The following RNF157 variants were observed in gnomAD, a reference collection of about 807,000 sequenced individuals.
The protein encoded by RNF157 is ring finger protein 157.
In RNF157, 55 loss-of-function variants were observed where a neutral mutation model predicts 88.3. The observed-to-expected ratio is 0.62, with a 90% confidence interval of 0.50 to 0.78. The LOEUF is 0.78. RNF157 is among the 30% of genes least tolerant of loss of function. The pLI, the probability that RNF157 is intolerant of heterozygous loss-of-function variation, is 0.00. For synonymous variants in RNF157, 334 were observed against 341.2 expected (o/e 0.98, Z 0.23); for missense variants, 788 against 860.8 (o/e 0.92, Z 1.06).
chr17:76,180,331 A>AT (rs2069170194), intron 2 of RNF157, among the ~76,000 whole-genome samples: 1 of 152,194 alleles, frequency 6.6e-6, no homozygotes, highest in African/African-American at 2.4e-5. Flanking sequence ...GGGACCAAAC[A>AT]TTAAGTGTGA....
chr17:76,200,244 C>CA (rs1185364000), intron 2 of RNF157, among the ~76,000 whole-genome samples: 1,711 of 123,450 alleles, frequency 0.014, 15 homozygotes, highest in Middle Eastern at 0.025. Flanking sequence ...TCCGTCTTGT[C>CA]AAAAAAAAAA....
chr17:76,229,374 G>A (rs1264237835), intron 1 of RNF157, among the ~76,000 whole-genome samples: 1 of 152,174 alleles, frequency 6.6e-6, no homozygotes, highest in Non-Finnish European at 1.5e-5. Context: ...TAAACTTTTT[G>A]AGCTTTGGTT....
chr17:76,218,595 C>T (rs777604814), intron 1 of RNF157, among the ~76,000 whole-genome samples: 19 of 151,950 alleles, frequency 1.3e-4, no homozygotes, highest in Non-Finnish European at 2.2e-4. Flanking sequence ...TATGATCACA[C>T]CCCTGGACTC....
At chr17:76,156,425 G>A (rs1249614141) in intron 13 of RNF157, 104 bp from the exon 14 acceptor site, 5 of 1,543,674 alleles carry the variant, frequency 3.2e-6, no homozygotes, top group South Asian at 1.2e-5. Context: ...AGGAGGAAAG[G>A]CGACACTGGG....
rs2068776652 is a variant in RNF157 at position 76,157,017 on chromosome 17, AG to A, written c.1414-697del. On this transcript the variant is annotated intron_variant, in intron 13 of 18. Transcript: ENST00000269391. This position sits in a 1 kb window ranked among gnomAD's most constrained non-coding sequence, Gnocchi z 5.6. ...CGCTCTGTTGCCCAGCCCAGGCTGG[AG>A]TGCAGTGGTGCGGTCTTGGCTCACT... Among the ~76,000 whole-genome samples the A allele has an allele frequency of 6.7e-6, 1 of 148,500 alleles. No homozygotes were observed.
intron 1 of RNF157, among the ~76,000 whole-genome samples, chr17:76,229,619 T>A (rs1426754173): frequency 6.6e-6 from 1 of 152,176 alleles, no homozygotes; most frequent in East Asian, 1.9e-4. Context: ...TCAAACTCAA[T>A]AACCTTTTCT....
In RNF157 at chr17:76,148,377, C is replaced by A. The variant is rs372287219; in HGVS notation, c.1922-3024G>T. Among the ~76,000 whole-genome samples the A allele has an allele frequency of 3.3e-4, 49 of 150,338 alleles. No homozygotes were observed. The South Asian group carries it at 9.7e-3, about 30-fold the overall frequency. On this transcript the variant is annotated intron_variant, in intron 18 of 18. Transcript: ENST00000269391. ...CGCCTCCCGGGTTCACGCCATTCTA[C>A]TGTCGCAGCCTCCTGAGTAGCTGGG...
rs1163285157 is a variant in RNF157, at chr17:76,155,749, G to C, written c.1526-15C>G. On this transcript the variant is annotated splice_polypyrimidine_tract_variant and intron_variant, in intron 14 of 18. Coordinates refer to ENST00000269391, the MANE Select transcript of RNF157 (RefSeq NM_052916.3). ...GCTGGCAGGGCCTTTGGAGACAGGGGATGGGGAAAGGAGCCTGGAGGTCAG... is the reference window on the plus strand; with the variant it reads ...GCTGGCAGGGCCTTTGGAGACAGGGCATGGGGAAAGGAGCCTGGAGGTCAG... The C allele has an allele frequency of 6.5e-6, 10 of 1,529,506 alleles. No homozygotes were observed. The highest frequency in any genetic ancestry group is 7.9e-6 in the Non-Finnish European group (9 of 1,137,528). The allele number at this position is 1,529,506 out of a possible 1,614,324, so 94.7% of individuals were successfully genotyped here. A position where few individuals can be genotyped will look rare whatever the true frequency, so the allele number is the denominator to read the frequency against.
chr17:76,211,479 T>C (rs895985529), intron 2 of RNF157, among the ~76,000 whole-genome samples: 1 of 152,224 alleles, frequency 6.6e-6, no homozygotes, highest in African/African-American at 2.4e-5. Context: ...TCCACCAAAC[T>C]TGCAGAATAT....
chr17:76,176,116 A>T lies in RNF157; in HGVS notation c.208-2326T>A, dbSNP rs113780419. On this transcript the variant is annotated intron_variant, in intron 2 of 18. Transcript: ENST00000269391. This position sits in a 1 kb window ranked among gnomAD's most constrained non-coding sequence, Gnocchi z 4.2. The stretch of plus-strand genomic sequence containing the variant: ...TTGCATTCATGCAATCAGAGTCTAC[A>T]TGCAACACTCCATGCCAGGAGTAAG... Among the ~76,000 whole-genome samples, 114 of 152,360 alleles carry T rather than the reference A, an allele frequency of 7.5e-4. No homozygotes were observed. The highest frequency in any genetic ancestry group is 3.4e-3 in the Middle Eastern group (1 of 294).
At chr17:76,231,181 CAG>C (rs975824508) in intron 1 of RNF157, among the ~76,000 whole-genome samples, 28 of 152,118 alleles carry the variant, frequency 1.8e-4, no homozygotes, top group African/African-American at 6.5e-4. Flanking sequence ...GTATTTTTAG[CAG>C]AGACAGGGTT....
chr17:76,233,124 GTT>G (rs2070223018), intron 1 of RNF157, among the ~76,000 whole-genome samples: 1 of 152,128 alleles, frequency 6.6e-6, no homozygotes, highest in African/African-American at 2.4e-5. Context: ...GTTTCACCAT[GTT>G]AGCCAGGATG....
At chr17:76,156,984 T>TG (rs2068775799) in intron 13 of RNF157, among the ~76,000 whole-genome samples, 1 of 151,582 alleles carries the variant, frequency 6.6e-6, no homozygotes, top group Non-Finnish European at 1.5e-5. Context: ...TTTTTTGAGA[T>TG]GGAGTCTCGC....
chr17:76,172,938 C>A (rs1344253616), intron 3 of RNF157, among the ~76,000 whole-genome samples: 1 of 152,008 alleles, frequency 6.6e-6, no homozygotes, highest in African/African-American at 2.4e-5. Context: ...ATTAAGCAAC[C>A]AACCCAGTGC....
rs1375480975 is a variant in RNF157, at chr17:76,152,369, TCAGAGCACAGCTTATTGTC to T, written c.1888_1906del (p.Asp630ArgfsTer83). On this transcript the variant is annotated frameshift_variant, in exon 18 of 19. Coordinates refer to ENST00000269391, the MANE Select transcript of RNF157 (RefSeq NM_052916.3). LOFTEE classifies it high-confidence loss of function. ...CTGACACTCACCAGGTAAGCAGACCTCAGAGCACAGCTTATTGTCCAGTGCTTTCACGCTTGCGATGTCA... is the reference window on the plus strand; with the variant it reads ...CTGACACTCACCAGGTAAGCAGACCTCAGTGCTTTCACGCTTGCGATGTCA... The T allele has an allele frequency of 1.2e-6, 2 of 1,609,566 alleles. No individual in the cohort carries two copies. Among genetic ancestry groups the T allele is most frequent in the Non-Finnish European group, 1.7e-6 (2 of 1,175,820 alleles).
At chr17:76,183,616 C>T (rs1469832557) in intron 2 of RNF157, among the ~76,000 whole-genome samples, 1 of 152,102 alleles carries the variant, frequency 6.6e-6, no homozygotes, top group Non-Finnish European at 1.5e-5. Flanking sequence ...CAAGTCATCA[C>T]AGCTGGCTAA....
In RNF157 at chr17:76,147,000, C is replaced by G; in HGVS notation, c.1922-1647G>C. 1.6e-5 allele frequency: 16 copies of G among 985,416 alleles called. No homozygotes were observed. Among genetic ancestry groups the G allele is most frequent in the Non-Finnish European group, 1.8e-5 (15 of 829,916 alleles). The allele number at this position is 985,416 out of a possible 1,614,324, so 61.0% of individuals were successfully genotyped here. A position where few individuals can be genotyped will look rare whatever the true frequency, so the allele number is the denominator to read the frequency against. ...CCACCTCAGGCTCTAGTAACAGTCT[C>G]TGGTGCTTGACCCCAGGGGAACAGT... On this transcript the variant is annotated intron_variant, in intron 18 of 18. Transcript: ENST00000269391. This position sits in a 1 kb window ranked among gnomAD's most constrained non-coding sequence, Gnocchi z 4.2.
chr17:76,240,054 G>C lies in RNF157; in HGVS notation c.88+99C>G, dbSNP rs1042180659. On this transcript the variant is annotated intron_variant, in intron 1 of 18. Coordinates refer to ENST00000269391, the MANE Select transcript of RNF157 (RefSeq NM_052916.3). This position sits in a 1 kb window ranked among gnomAD's most constrained non-coding sequence, Gnocchi z 4.4. ...GTTTCGGAGCGTCCGCAACCACTGA[G>C]TCCCCGAAGACCCGCGGGGCCCCCT... 9.1e-6 allele frequency: 5 copies of C among 550,630 alleles called. No individual in the cohort carries two copies. The highest frequency in any genetic ancestry group is 1.0e-4 in the Admixed American group (2 of 19,536). 34.1% of individuals were successfully genotyped at this position (550,630 alleles called of 1,614,324 possible).
chr17:76,154,064 A>T, intron 17 of RNF157: 1 of 555,332 alleles, frequency 1.8e-6, no homozygotes, highest in South Asian at 2.0e-5. Context: ...CGCACCTGAC[A>T]TCCATGGCTC....
Sources: allele counts gnomAD v4.1 joint callset (sites outside exome capture counted in the v4.1 genomes callset), GRCh38; gene constraint gnomAD v4.1.1; non-coding constraint Gnocchi (gnomAD v3.1); transcripts MANE v1.5; gene names NCBI Gene and HGNC (gene_info 2026-07-23, HGNC 2026-07-21).